Variants in TSPAN15 observed in about 807,000 individuals in gnomAD.
The protein encoded by TSPAN15 is tetraspanin 15.
TSPAN15 carries 20 observed loss-of-function variants against 34.5 expected under a neutral mutation model. The ratio of observed to expected loss-of-function variants is 0.58; its 90% CI spans 0.41 to 0.84. The LOEUF is 0.84. TSPAN15 is among the 40% of genes least tolerant of loss of function. TSPAN15 has a pLI of 0.00. For missense variants in TSPAN15, 313 were observed against 386.1 expected (o/e 0.81, Z 1.59); for synonymous variants, 155 against 153.9 (o/e 1.01, Z -0.05).
intron 6 of TSPAN15, 125 bp downstream of exon 6, chr10:69,504,610 C>T (rs1194069289): frequency 1.0e-6 from 1 of 1,004,072 alleles, no homozygotes; most frequent in African/African-American, 1.6e-5. Context: ...CTGGCTGTGA[C>T]CCAGAGCCAG....
intron 1 of TSPAN15, among the ~76,000 whole-genome samples, chr10:69,475,174 C>T (rs573025166): frequency 1.3e-5 from 2 of 152,224 alleles, no homozygotes; most frequent in Admixed American, 1.3e-4. Flanking sequence ...CTTGACTCTC[C>T]TTCCCATGGC....
At chr10:69,472,045 T>G (rs1245514596) in intron 1 of TSPAN15, among the ~76,000 whole-genome samples, 1 of 152,216 alleles carries the variant, frequency 6.6e-6, no homozygotes, top group South Asian at 2.1e-4. Context: ...CCAAAAACTT[T>G]GAGACCCACT....
At chr10:69,523,105 G>C in the TSPAN15 span, among the ~76,000 whole-genome samples, 1 of 147,820 alleles carries the variant, frequency 6.8e-6, no homozygotes, top group Non-Finnish European at 1.5e-5. Flanking sequence ...TCCAATTTTT[G>C]TATATGGGGT....
the TSPAN15 span, among the ~76,000 whole-genome samples, chr10:69,540,299 G>A: frequency 2.3e-3 from 346 of 152,322 alleles, 2 homozygotes; most frequent in African/African-American, 8.0e-3. Context: ...GGAGGCTGAG[G>A]CAGGAGAGTG....
At chr10:69,467,009 C>T (rs868616133) in intron 1 of TSPAN15, among the ~76,000 whole-genome samples, 1 of 152,176 alleles carries the variant, frequency 6.6e-6, no homozygotes, top group Non-Finnish European at 1.5e-5. Flanking sequence ...TCTGGGAGCC[C>T]GTTCCTGACC....
chr10:69,538,466 G>C, the TSPAN15 span, among the ~76,000 whole-genome samples: 1 of 152,238 alleles, frequency 6.6e-6, no homozygotes, highest in Non-Finnish European at 1.5e-5. Flanking sequence ...AGACCCCTGG[G>C]TGTGAATCCC....
At chr10:69,544,670 C>T in the TSPAN15 span, among the ~76,000 whole-genome samples, 4 of 152,130 alleles carry the variant, frequency 2.6e-5, no homozygotes, top group Admixed American at 1.3e-4. Flanking sequence ...AAGTTAGGAA[C>T]GATTGAGTAC....
At chr10:69,534,579 C>T in the TSPAN15 span, among the ~76,000 whole-genome samples, 22 of 152,044 alleles carry the variant, frequency 1.4e-4, no homozygotes, top group Non-Finnish European at 2.5e-4. Context: ...TGGAAAAAAG[C>T]AAATGAGTGT....
intron 3 of TSPAN15, among the ~76,000 whole-genome samples, chr10:69,493,110 C>T (rs970380325): frequency 1.3e-5 from 2 of 152,210 alleles, no homozygotes; most frequent in Non-Finnish European, 2.9e-5. Flanking sequence ...CCAACCACAC[C>T]CCAGCCAGCT....
intron 5 of TSPAN15, 134 bp downstream of exon 5, chr10:69,498,530 C>T (rs942664168): frequency 2.6e-5 from 18 of 693,372 alleles, no homozygotes; most frequent in East Asian, 1.4e-4. Flanking sequence ...GGTGGCAGAG[C>T]GGAGGCTTTC....
the TSPAN15 span, among the ~76,000 whole-genome samples, chr10:69,531,952 A>AAAC: frequency 9.9e-6 from 1 of 100,876 alleles, no homozygotes; most frequent in Non-Finnish European, 2.3e-5. Flanking sequence ...AAAAAAAAAC[A>AAAC]AAAAAAAAAC....
intron 1 of TSPAN15, among the ~76,000 whole-genome samples, chr10:69,457,397 A>AGG (rs2133058082): frequency 6.6e-6 from 1 of 152,322 alleles, no homozygotes; most frequent in Non-Finnish European, 1.5e-5. Flanking sequence ...CAAAGTGGGC[A>AGG]GGGCTGATCA....
the TSPAN15 span, among the ~76,000 whole-genome samples, chr10:69,533,241 A>AT: frequency 6.6e-6 from 1 of 152,236 alleles, no homozygotes; most frequent in Non-Finnish European, 1.5e-5. Flanking sequence ...ACAATTTGCA[A>AT]TTGCAAAATC....
chr10:69,541,159 C>T, the TSPAN15 span, among the ~76,000 whole-genome samples: 2 of 152,104 alleles, frequency 1.3e-5, no homozygotes, highest in Non-Finnish European at 2.9e-5. Context: ...GTCAATCAGA[C>T]AGTGACCATG....
In TSPAN15 at chr10:69,483,870, C is replaced by T. The variant is rs112156325; in HGVS notation, c.276C>T (p.Leu92=). ...LASLRDNLYL[L]QAFMYILGIC... is the part of the protein sequence containing the mutation. ...CCCTCCGTGACAACCTGTACCTTCT[C>T]CAAGCAGTGAGTGGACCACACCACC... is the stretch of plus-strand genomic sequence containing the variant. The change falls in exon 2 of 8, where the codon CTC becomes CTT. Residue 92 remains leucine, a synonymous_variant. Transcript: ENST00000373290. 4.8e-5 allele frequency: 77 copies of T among 1,613,324 alleles called. No individual in the cohort carries two copies. The African/African-American group carries it at 7.5e-4, about 16-fold the overall frequency.
At chr10:69,511,548 A>G (rs957135449), downstream of TSPAN15, among the ~76,000 whole-genome samples, 2 of 151,934 alleles carry the variant, frequency 1.3e-5, no homozygotes, top group Non-Finnish European at 1.5e-5. Context: ...GATTTTTTGA[A>G]GGGTTTTTGT....
At chr10:69,452,107 G>C (rs541793642) in intron 1 of TSPAN15, among the ~76,000 whole-genome samples, 1 of 152,242 alleles carries the variant, frequency 6.6e-6, no homozygotes, top group Non-Finnish European at 1.5e-5. Flanking sequence ...TGGATTCCGG[G>C]TCTGGTCCCT....
chr10:69,514,486 C>G, the TSPAN15 span, among the ~76,000 whole-genome samples: 1 of 152,140 alleles, frequency 6.6e-6, no homozygotes, highest in Admixed American at 6.5e-5. Context: ...CCTGGAAAAT[C>G]TTCTTTGTAG....
intron 1 of TSPAN15, 136 bp from the exon 2 acceptor site, chr10:69,483,555 C>T (rs1262033360): frequency 1.3e-5 from 12 of 900,838 alleles, no homozygotes; most frequent in Admixed American, 1.2e-4. Flanking sequence ...ACAGTTCAGC[C>T]GCTAACAGGG....
Sources: allele counts gnomAD v4.1 joint callset (sites outside exome capture counted in the v4.1 genomes callset), GRCh38; gene constraint gnomAD v4.1.1; transcripts MANE v1.5; gene names NCBI Gene and HGNC (gene_info 2026-07-23, HGNC 2026-07-21).